FRY: variants seen among roughly 807,000 people sequenced by gnomAD.
The protein encoded by FRY is FRY microtubule binding protein.
In FRY, 128 loss-of-function variants were observed where a neutral mutation model predicts 348.4. The ratio of observed to expected loss-of-function variants is 0.37; its 90% confidence interval spans 0.32 to 0.43. FRY has a LOEUF of 0.43. FRY is among the 20% of genes least tolerant of loss of function. The probability of loss-of-function intolerance (pLI) is 1.00; values close to 1 mark genes in which losing one functional copy is unlikely to be tolerated. For synonymous variants in FRY, 1,370 were observed against 1,374.7 expected (o/e 1.00, Z 0.08); for missense variants, 2,736 against 3,695.2 (o/e 0.74, Z 6.73).
intron 58 of FRY, 28 bp downstream of exon 58, chr13:32,278,576 C>G (rs1436414189): frequency 9.0e-7 from 1 of 1,109,256 alleles, no homozygotes; most frequent in Non-Finnish European, 1.4e-6. Flanking sequence ...GAATGGGTCT[C>G]TTGTGTGCTC....
Position 32,228,523 on chromosome 13 carries a change from C to T in FRY, c.5274C>T (p.Ser1758=). The T allele has an allele frequency of 1.2e-6, 2 of 1,613,780 alleles. No individual in the cohort carries two copies. Among genetic ancestry groups the T allele is most frequent in the Non-Finnish European group, 8.5e-7 (1 of 1,179,888 alleles). ...CTGACTCAGGGCTTAGTTCAAGCTC[C>T]ACCTCCTCTAGCATCAGTCTGGGAG... is the stretch of plus-strand genomic sequence containing the variant. The part of the protein sequence containing the change: ...PVPDSGLSSS[S]TSSSISLGGS... Residue 1758 remains serine (S), a synonymous_variant, in exon 40 of 61, where the codon TCC becomes TCT. Transcript: ENST00000542859.
At chr13:32,079,633 C>T (rs1875345640) in intron 2 of FRY, among the ~76,000 whole-genome samples, 1 of 152,162 alleles carries the variant, frequency 6.6e-6, no homozygotes, top group Admixed American at 6.5e-5. Context: ...TCTTCAGTTG[C>T]AGATGCTTCT....
chr13:32,050,063 T>C (rs1474358899), intron 1 of FRY, among the ~76,000 whole-genome samples: 2 of 152,248 alleles, frequency 1.3e-5, no homozygotes, highest in African/African-American at 4.8e-5. Context: ...GTTGTATAGC[T>C]GCTATGTAAA....
chr13:32,235,475 T>C (rs1251448984), intron 42 of FRY, among the ~76,000 whole-genome samples: 1 of 152,044 alleles, frequency 6.6e-6, no homozygotes, highest in Non-Finnish European at 1.5e-5. Flanking sequence ...AATACGAAAA[T>C]TAGCTAGGCG....
intron 2 of FRY, among the ~76,000 whole-genome samples, chr13:32,084,197 G>T (rs1219751328): frequency 1.3e-5 from 2 of 152,158 alleles, no homozygotes; most frequent in African/African-American, 4.8e-5. Flanking sequence ...TGAAGCTCAT[G>T]GTGAGGTGGG....
In FRY at chr13:32,208,927, C is replaced by T; in HGVS notation, c.4093C>T (p.His1365Tyr). The change falls in exon 32 of 61, where the codon CAC becomes TAC. Residue 1365 changes from histidine to tyrosine, a missense_variant. By Grantham distance (83) the His-to-Tyr change is moderately conservative. This residue lies in a region of FRY where 794 missense variants were observed against 977.0 expected (regional missense o/e 0.81). Transcript: ENST00000542859. ...IMLTYLLPWL[H>Y]NIELVDSRLL... ...GCTTACCTACCTGCTGCCCTGGCTG[C>T]ACAACATCGAGCTGGTGGACAGCAG... 6.2e-7 allele frequency: 1 copy of T among 1,614,152 alleles called. No homozygotes were observed. The highest frequency in any genetic ancestry group is 1.1e-5 in the South Asian group (1 of 91,074).
rs756327400 is a variant in FRY at position 32,234,530 on chromosome 13, T to C, written c.5528-44T>C. On this transcript the variant is annotated intron_variant, in intron 41 of 60. Transcript: ENST00000542859. ...GAGGTAACTTTGATGCCCCAGAGCA[T>C]GTAGAGTAGAGACTGACCTATTCTG... 5.8e-6 allele frequency: 9 copies of C among 1,546,778 alleles called. No individual in the cohort carries two copies. In the South Asian group the frequency reaches 6.7e-5, roughly 11 times the overall value.
chr13:32,111,482 T>C (rs1272669944), intron 3 of FRY, among the ~76,000 whole-genome samples: 1 of 151,326 alleles, frequency 6.6e-6, no homozygotes, highest in African/African-American at 2.4e-5. Context: ...GGCAACAGAG[T>C]GAGACTCCAT....
intron 52 of FRY, 40 bp from the exon 53 acceptor site, chr13:32,262,274 A>T (rs773745951): frequency 1.3e-6 from 2 of 1,530,826 alleles, no homozygotes; most frequent in East Asian, 4.5e-5. Context: ...AAAGAATGGG[A>T]ACTTCATACT....
At chr13:32,126,004 T>C (rs2138731173) in intron 7 of FRY, among the ~76,000 whole-genome samples, 1 of 152,346 alleles carries the variant, frequency 6.6e-6, no homozygotes, top group East Asian at 1.9e-4. Flanking sequence ...GGCTATATTG[T>C]AGTTTTATAG....
rs748696685 is a variant in FRY at position 32,147,361 on chromosome 13, G to A, written c.1259G>A (p.Cys420Tyr). ...TGGGTTTACATGATTCGAATTAAATGTGAAAGCAACACAGCTACTCAGAGG... is the reference window on the plus strand; with the variant it reads ...TGGGTTTACATGATTCGAATTAAATATGAAAGCAACACAGCTACTCAGAGG... ...LLWVYMIRIK[C>Y]ESNTATQSRL... is the part of the protein sequence containing the mutation. Residue 420 changes from cysteine to tyrosine, a missense_variant, in exon 12 of 61, where the codon TGT becomes TAT. By Grantham distance (194) the Cys-to-Tyr change is radical. Around this residue, in one of 9 missense-constraint regions of FRY, gnomAD observed 191 missense variants for 370.2 expected, o/e 0.52. Coordinates refer to ENST00000542859, the MANE Select transcript of FRY (RefSeq NM_023037.3). 1 of 1,607,228 alleles carries A rather than the reference G, an allele frequency of 6.2e-7. No individual in the cohort carries two copies. Among genetic ancestry groups the A allele is most frequent in the Non-Finnish European group, 8.5e-7 (1 of 1,173,758 alleles).
intron 2 of FRY, among the ~76,000 whole-genome samples, chr13:32,097,364 T>TC (rs1876810713): frequency 7.0e-6 from 1 of 141,986 alleles, no homozygotes; most frequent in Non-Finnish European, 1.5e-5. Context: ...TTTTTTTCCT[T>TC]TTTTTTTTTT....
chr13:32,095,535 G>A (rs2138605702), intron 2 of FRY, among the ~76,000 whole-genome samples: 1 of 151,974 alleles, frequency 6.6e-6, no homozygotes, highest in East Asian at 1.9e-4. Flanking sequence ...GGTAGAGACG[G>A]GATTTCACCA....
chr13:32,190,775 A>G (rs552257037), intron 28 of FRY, among the ~76,000 whole-genome samples: 2 of 152,312 alleles, frequency 1.3e-5, no homozygotes, highest in African/African-American at 4.8e-5. Context: ...TATGGAGACA[A>G]TGCAATTCCA....
chr13:32,238,811 T>G (rs530464945), intron 44 of FRY, among the ~76,000 whole-genome samples: 28 of 152,370 alleles, frequency 1.8e-4, no homozygotes, highest in African/African-American at 6.7e-4. Flanking sequence ...AAGCTATCGC[T>G]TAACAGAGAG....
Position 32,161,235 on chromosome 13 carries a change from A to T in FRY, c.1876A>T (p.Ile626Phe), listed in dbSNP as rs1228526542. 6.2e-7 allele frequency: 1 copy of T among 1,602,116 alleles called. No homozygotes were observed. Among genetic ancestry groups the T allele is most frequent in the East Asian group, 2.2e-5 (1 of 44,822 alleles). ...TGATGGGATGTCAAAACTTGAACTT[A>T]TTGACTTACTGGCTAGGTAGGTGAG... is the stretch of plus-strand genomic sequence containing the variant. ...LPDGMSKLELIDLLARLSIHM... is the reference protein window; with the variant it reads ...LPDGMSKLELFDLLARLSIHM... The change falls in exon 17 of 61, where the codon ATT becomes TTT. Residue 626 changes from isoleucine to phenylalanine, a missense_variant. Coordinates refer to ENST00000542859, the MANE Select transcript of FRY (RefSeq NM_023037.3).
intron 31 of FRY, among the ~76,000 whole-genome samples, chr13:32,208,412 G>A (rs1016762550): frequency 2.6e-5 from 4 of 152,240 alleles, no homozygotes; most frequent in Non-Finnish European, 5.9e-5. Flanking sequence ...ACAGTAGCCT[G>A]ATGTGGGGCC....
At position 32,134,975 on chromosome 13, in the gene FRY, A is replaced by G. The variant is rs760056618; in HGVS notation, c.957A>G (p.Glu319=). The change falls in exon 9 of 61, where the codon GAA becomes GAG. Residue 319 remains glutamate (E), a synonymous_variant. Transcript: ENST00000542859. Reference sequence around the variant, plus strand: ...ATGCCTTGGCTGGGCTTTTTGTTGAAATACTTGTTCCAGTTGCTGCTGTGA... The same window carrying G: ...ATGCCTTGGCTGGGCTTTTTGTTGAGATACTTGTTCCAGTTGCTGCTGTGA... The part of the protein sequence containing the change: ...IKHALAGLFV[E]ILVPVAAAVK... The G allele has an allele frequency of 6.8e-6, 11 of 1,612,156 alleles. No homozygotes were observed. Among genetic ancestry groups the G allele is most frequent in the East Asian group, 2.2e-5 (1 of 44,866 alleles).
Position 32,225,936 on chromosome 13 carries a change from C to G in FRY, c.5168C>G (p.Thr1723Ser), listed in dbSNP as rs751177739. ...GAGATGGGTGAAGCTAAGACTCTAA[C>G]CGTGCAGCCAGCCTACCAACCTGAA... ...TREMGEAKTL[T>S]VQPAYQPEYL... The change falls in exon 39 of 61, where the codon ACC becomes AGC. Residue 1723 changes from threonine to serine, a missense_variant. Coordinates refer to ENST00000542859, the MANE Select transcript of FRY (RefSeq NM_023037.3). 50 of 1,614,036 alleles carry G rather than the reference C, an allele frequency of 3.1e-5. No individual in the cohort carries two copies. Among genetic ancestry groups the G allele is most frequent in the Middle Eastern group, 3.3e-4 (2 of 6,084 alleles).
Sources: gnomAD v4.1 joint callset for allele counts (sites outside exome capture counted in the v4.1 genomes callset) on GRCh38, gnomAD v4.1.1 for gene constraint, gnomAD v4.1.1 regional missense constraint, MANE v1.5 for transcripts, NCBI Gene and HGNC (gene_info 2026-07-23, HGNC 2026-07-21) for gene names.